The following NAALADL2 variants were observed in gnomAD, a reference collection of about 807,000 sequenced individuals.
NAALADL2 encodes N-acetylated alpha-linked acidic dipeptidase like 2, also known as inactive N-acetylated-alpha-linked acidic dipeptidase-like protein 2.
NAALADL2 carries 76 observed loss-of-function variants against 87.2 expected under a neutral mutation model. The ratio of observed to expected loss-of-function variants is 0.87; its 90% CI spans 0.72 to 1.05. NAALADL2 has a LOEUF of 1.05. NAALADL2 is among the 50% of genes least tolerant of loss of function. The pLI, the probability that NAALADL2 is intolerant of heterozygous loss-of-function variation, is 0.00. For synonymous variants in NAALADL2, 354 were observed against 331.0 expected (o/e 1.07, Z -0.75); for missense variants, 1,089 against 945.8 (o/e 1.15, Z -1.99).
Position 175,192,798 on chromosome 3 carries a change from T to C in NAALADL2, c.546-41133T>C, listed in dbSNP as rs1395526373. ...GTTGTTTTGTTTATTGAAATAATGCTTTTATGAATGTATTGATAATTTTTA... is the reference window on the plus strand; with the variant it reads ...GTTGTTTTGTTTATTGAAATAATGCCTTTATGAATGTATTGATAATTTTTA... On this transcript the variant is annotated intron_variant, in intron 2 of 13. Transcript: ENST00000454872. Among the ~76,000 whole-genome samples the C allele has an allele frequency of 2.0e-5, 3 of 152,166 alleles. No individual in the cohort carries two copies. In the East Asian group the frequency reaches 5.8e-4, roughly 29 times the overall value.
rs540270489 is a variant in NAALADL2, at chr3:175,644,771, G to C, written c.1896+17385G>C. Among the ~76,000 whole-genome samples, 7 of 152,088 alleles carry C rather than the reference G, an allele frequency of 4.6e-5. No individual in the cohort carries two copies. The South Asian group carries it at 8.3e-4, about 18-fold the overall frequency. ...ATTAGCTTGTCAAATTCCACAAAAG[G>C]CTTGCTGAGATATTTATTTGAATTA... On this transcript the variant is annotated intron_variant, in intron 11 of 13. Transcript: ENST00000454872.
intron 11 of NAALADL2, among the ~76,000 whole-genome samples, chr3:175,630,581 C>A (rs986506702): frequency 6.6e-6 from 1 of 151,344 alleles, no homozygotes; most frequent in African/African-American, 2.4e-5. Context: ...GATATAAAAA[C>A]ATAATCAAAC....
intron 12 of NAALADL2, among the ~76,000 whole-genome samples, chr3:175,737,935 A>T (rs954831607): frequency 2.0e-5 from 3 of 151,952 alleles, no homozygotes; most frequent in Admixed American, 6.6e-5. Context: ...GTTTGAATAT[A>T]TCTCTCTCAG....
chr3:174,864,485 G>A (rs1726894665), intron 1 of NAALADL2, among the ~76,000 whole-genome samples: 1 of 151,908 alleles, frequency 6.6e-6, no homozygotes, highest in African/African-American at 2.4e-5. Context: ...ATATTTTATG[G>A]TACTGAAATT....
intron 2 of NAALADL2, among the ~76,000 whole-genome samples, chr3:175,131,794 G>T (rs1487758823): frequency 7.0e-6 from 1 of 143,822 alleles, no homozygotes; most frequent in Non-Finnish European, 1.5e-5. Flanking sequence ...CCTCCCTCCC[G>T]GACGGGGGGC....
intron 5 of NAALADL2, among the ~76,000 whole-genome samples, chr3:175,392,063 A>G (rs912939123): frequency 2.0e-5 from 3 of 152,228 alleles, no homozygotes; most frequent in African/African-American, 7.2e-5. Context: ...TCTCAAGATC[A>G]CAGTTTCTAA....
At chr3:174,718,188 A>G (rs1731384136) in intron 2 of NAALADL2, among the ~76,000 whole-genome samples, 2 of 152,338 alleles carry the variant, frequency 1.3e-5, no homozygotes, top group Admixed American at 6.5e-5. Flanking sequence ...TGCCATTGAA[A>G]AATTCTGCAA....
intron 2 of NAALADL2, among the ~76,000 whole-genome samples, chr3:174,691,064 CTG>C (rs974115448): frequency 6.6e-6 from 1 of 152,150 alleles, no homozygotes; most frequent in African/African-American, 2.4e-5. Context: ...CATCTACTGA[CTG>C]TGCAGTACCA....
At chr3:175,697,400 G>GACACACACACAC (rs57471272) in intron 11 of NAALADL2, among the ~76,000 whole-genome samples, 7,146 of 145,222 alleles carry the variant, frequency 0.049, 201 homozygotes, top group Middle Eastern at 0.091. Flanking sequence ...GCTGCACACA[G>GACACACACACAC]ACACACACAC....
At chr3:174,918,475 A>G (rs1734708815) in intron 1 of NAALADL2, among the ~76,000 whole-genome samples, 1 of 152,178 alleles carries the variant, frequency 6.6e-6, no homozygotes, top group Non-Finnish European at 1.5e-5. Context: ...ACTGCTCACT[A>G]GCCTGCAGCT....
At position 175,510,236 on chromosome 3, in the gene NAALADL2, C is replaced by T. The variant is rs115256944; in HGVS notation, c.1653+38478C>T. Among the ~76,000 whole-genome samples the T allele has an allele frequency of 2.4e-3, 367 of 152,214 alleles. 3 individuals carry two copies. The highest frequency in any genetic ancestry group is 8.0e-3 in the African/African-American group (332 of 41,538). On this transcript the variant is annotated intron_variant, in intron 9 of 13. Coordinates refer to ENST00000454872, the MANE Select transcript of NAALADL2 (RefSeq NM_207015.3). ...GAGAACTCACTCACTATCATGAGCT[C>T]ACTCACTGTATGGGGGAAACTGCCC...
chr3:174,735,112 TAAAG>T (rs1733067117), intron 2 of NAALADL2, among the ~76,000 whole-genome samples: 1 of 152,070 alleles, frequency 6.6e-6, no homozygotes, highest in African/African-American at 2.4e-5. Flanking sequence ...AATATTACAA[TAAAG>T]AGAGTGAAGC....
At chr3:175,010,633 A>T (rs1718215467) in intron 1 of NAALADL2, among the ~76,000 whole-genome samples, 2 of 152,188 alleles carry the variant, frequency 1.3e-5, no homozygotes, top group African/African-American at 4.8e-5. Flanking sequence ...TCACCCATCA[A>T]ACAGTTTTGG....
chr3:175,133,769 C>T (rs536024069), intron 2 of NAALADL2, among the ~76,000 whole-genome samples: 8 of 152,204 alleles, frequency 5.3e-5, no homozygotes, highest in African/African-American at 1.9e-4. Flanking sequence ...GTATTTTATT[C>T]TAATTGATGC....
intron 2 of NAALADL2, among the ~76,000 whole-genome samples, chr3:174,568,341 G>A (rs1332191709): frequency 6.6e-6 from 1 of 151,762 alleles, no homozygotes; most frequent in Non-Finnish European, 1.5e-5. Context: ...TAGTGGAATA[G>A]CAACTCAGTT....
intron 4 of NAALADL2, among the ~76,000 whole-genome samples, chr3:175,261,090 G>C (rs1428804737): frequency 6.6e-6 from 1 of 152,070 alleles, no homozygotes; most frequent in Non-Finnish European, 1.5e-5. Context: ...TAGAGGAAAG[G>C]CTTTAGGTTC....
chr3:174,480,314 C>T (rs1475593975), intron 1 of NAALADL2, among the ~76,000 whole-genome samples: 2 of 151,990 alleles, frequency 1.3e-5, no homozygotes, highest in Admixed American at 6.6e-5. Flanking sequence ...CCTTGATGTG[C>T]GTTTCTTGAG....
chr3:174,958,568 C>G (rs1017963109), intron 1 of NAALADL2, among the ~76,000 whole-genome samples: 1 of 152,006 alleles, frequency 6.6e-6, no homozygotes, highest in Non-Finnish European at 1.5e-5. Flanking sequence ...ATTACACGTG[C>G]AGTTCAAATC....
At chr3:175,592,307 CTT>C (rs758914649) in intron 10 of NAALADL2, among the ~76,000 whole-genome samples, 4,049 of 42,940 alleles carry the variant, frequency 0.094, 66 homozygotes, top group African/African-American at 0.13. Flanking sequence ...TTTTTCTTTT[CTT>C]TTTTTTTTTT....
Sources: gnomAD v4.1 joint callset for allele counts (sites outside exome capture counted in the v4.1 genomes callset) on GRCh38, gnomAD v4.1.1 for gene constraint, MANE v1.5 for transcripts, NCBI Gene and HGNC (gene_info 2026-07-23, HGNC 2026-07-21) for gene names.